The following HBS1L variants were observed in gnomAD, a reference collection of about 807,000 sequenced individuals.
HBS1L encodes HBS1 like translational GTPase.
Under a neutral mutation model 88.9 loss-of-function variants are expected in HBS1L, and 55 were observed. The ratio of observed to expected loss-of-function variants is 0.62; its 90% CI spans 0.50 to 0.77. The LOEUF is 0.77. HBS1L is among the 30% of genes least tolerant of loss of function. The pLI is 0.00. For missense variants in HBS1L, 741 were observed against 829.3 expected (o/e 0.89, Z 1.31); for synonymous variants, 267 against 288.5 (o/e 0.93, Z 0.76).
intron 4 of HBS1L, among the ~76,000 whole-genome samples, chr6:135,006,454 T>G (rs1010086262): frequency 1.3e-5 from 2 of 151,870 alleles, no homozygotes; most frequent in African/African-American, 2.4e-5. Context: ...AAGTCTCCCA[T>G]GAGTAAGGAG....
chr6:135,051,799 T>C (rs993260486), intron 1 of HBS1L, among the ~76,000 whole-genome samples: 4 of 152,228 alleles, frequency 2.6e-5, no homozygotes, highest in South Asian at 2.1e-4. Context: ...ACAAAGAACA[T>C]AAATATATTT....
In HBS1L at chr6:134,961,949, A is replaced by G. The variant is rs997980788; in HGVS notation, c.*3330T>C. 1 of 151,958 alleles carries G rather than the reference A, an allele frequency of 6.6e-6. No homozygotes were observed. The highest frequency in any genetic ancestry group is 2.4e-5 in the African/African-American group (1 of 41,376). 9.4% of individuals were successfully genotyped at this position (151,958 alleles called of 1,614,324 possible). Reference sequence around the variant, plus strand: ...ATTTTCTACCATCACCTACCCTCCAATCTTAAAGTTTTGAATTATCTCTTT... The same window carrying G: ...ATTTTCTACCATCACCTACCCTCCAGTCTTAAAGTTTTGAATTATCTCTTT... On this transcript the variant is annotated 3_prime_UTR_variant, in exon 18 of 18. Transcript: ENST00000367837.
rs1291036526 is a variant in HBS1L, at chr6:134,963,005, G to A, written c.*2274C>T. On this transcript the variant is annotated 3_prime_UTR_variant, in exon 18 of 18. Coordinates refer to ENST00000367837, the MANE Select transcript of HBS1L (RefSeq NM_006620.4). ...TTGTACTTAAACACTATTGGAGAAG[G>A]AAGGAATGAATAAATGCATTCATTT... 3 of 152,114 alleles carry A rather than the reference G, an allele frequency of 2.0e-5. No individual in the cohort carries two copies. The highest frequency in any genetic ancestry group is 4.4e-5 in the Non-Finnish European group (3 of 68,020). 9.4% of individuals were successfully genotyped at this position (152,114 alleles called of 1,614,324 possible). A position where few individuals can be genotyped will look rare whatever the true frequency, so the allele number is the denominator to read the frequency against.
At chr6:135,005,212 GA>G (rs1408490083) in intron 4 of HBS1L, among the ~76,000 whole-genome samples, 3 of 152,204 alleles carry the variant, frequency 2.0e-5, no homozygotes, top group African/African-American at 7.2e-5. Flanking sequence ...GGTGAGAAAT[GA>G]AGGCATGTTC....
At chr6:135,020,550 CAA>C (rs1256872896) in intron 4 of HBS1L, among the ~76,000 whole-genome samples, 5 of 152,072 alleles carry the variant, frequency 3.3e-5, no homozygotes, top group Non-Finnish European at 5.9e-5. Context: ...ATGAAAACTT[CAA>C]TACAAATACA....
At chr6:134,996,715 T>A in intron 7 of HBS1L, 62 bp downstream of exon 7, 1 of 1,204,908 alleles carries the variant, frequency 8.3e-7, no homozygotes, top group Non-Finnish European at 1.2e-6. Flanking sequence ...CAACACATAT[T>A]ACACACTTAT....
In HBS1L at chr6:134,996,940, G is replaced by A; in HGVS notation, c.802C>T (p.His268Tyr). 2 of 1,574,796 alleles carry A rather than the reference G, an allele frequency of 1.3e-6. No homozygotes were observed. Among genetic ancestry groups the A allele is most frequent in the Non-Finnish European group, 1.7e-6 (2 of 1,165,360 alleles). The stretch of plus-strand genomic sequence containing the variant: ...AGAGTACTTTTCCCAGCATCAACAT[G>A]ACCTAAAGAAAATTGATTCAGGATT... ...KQLLNLVVIG[H>Y]VDAGKSTLMG... Residue 268 changes from histidine to tyrosine, a missense_variant and splice_region_variant, in exon 7 of 18, where the codon CAT becomes TAT. Physicochemically the swap from His to Tyr is moderately conservative, Grantham distance 83 (BLOSUM62 2). This residue lies in a region of HBS1L where 556 missense variants were observed against 598.4 expected (regional missense o/e 0.93). Coordinates refer to ENST00000367837, the MANE Select transcript of HBS1L (RefSeq NM_006620.4).
chr6:134,965,168 C>T lies in HBS1L; in HGVS notation c.*111G>A. On this transcript the variant is annotated 3_prime_UTR_variant, in exon 18 of 18. Transcript: ENST00000367837. The stretch of plus-strand genomic sequence containing the variant: ...AATTTTAGCTTTAATTTTTCTCTCT[C>T]ATCTAAAAACATATCAATTGCACAT... 4 of 892,158 alleles carry T rather than the reference C, an allele frequency of 4.5e-6. No individual in the cohort carries two copies. The highest frequency in any genetic ancestry group is 1.4e-5 in the South Asian group (1 of 70,288). The allele number at this position is 892,158 out of a possible 1,614,324, so 55.3% of individuals were successfully genotyped here.
At chr6:135,043,061 G>C (rs1776795535) in intron 2 of HBS1L, among the ~76,000 whole-genome samples, 1 of 152,104 alleles carries the variant, frequency 6.6e-6, no homozygotes, top group African/African-American at 2.4e-5. Flanking sequence ...GTATTCATAT[G>C]TATCTCATTA....
chr6:134,970,526 T>C (rs1421174904), intron 15 of HBS1L, among the ~76,000 whole-genome samples: 1 of 152,258 alleles, frequency 6.6e-6, no homozygotes, highest in East Asian at 1.9e-4. Flanking sequence ...TATTTTAAAG[T>C]GGTGCCTGGC....
Position 134,978,767 on chromosome 6 carries a change from C to T in HBS1L, c.1709G>A (p.Gly570Asp), listed in dbSNP as rs750402350. The T allele has an allele frequency of 2.1e-5, 34 of 1,604,220 alleles. No individual in the cohort carries two copies. The East Asian group carries it at 6.9e-4, about 33-fold the overall frequency. Residue 570 changes from glycine to aspartate, a missense_variant, in exon 15 of 18, where the codon GGC becomes GAC. Physicochemically the swap from Gly to Asp is moderately conservative, Grantham distance 94. This residue lies in a region of HBS1L where 181 missense variants were observed against 212.7 expected (regional missense o/e 0.85). Transcript: ENST00000367837. ...GCAAGCTTTAATGGGTACTTTGGGGCCACAAAATATGCAGCCAACACTGTA... is the reference window on the plus strand; with the variant it reads ...GCAAGCTTTAATGGGTACTTTGGGGTCACAAAATATGCAGCCAACACTGTA... ...IKINVGCIFC[G>D]PKVPIKACTR...
Position 135,024,211 on chromosome 6 carries a change from C to T in HBS1L, c.430+15362G>A, listed in dbSNP as rs556326077. Among the ~76,000 whole-genome samples the T allele has an allele frequency of 4.7e-4, 72 of 152,092 alleles. No individual in the cohort carries two copies. The South Asian group carries it at 0.013, about 28-fold the overall frequency. ...ATCCCAGCACTTTGGGAGGCCGAGG[C>T]GGGCGGATCACGAGGTCAGGAGATC... On this transcript the variant is annotated intron_variant, in intron 4 of 17. Transcript: ENST00000367837.
At chr6:135,040,629 C>T (rs1051404830) in intron 3 of HBS1L, among the ~76,000 whole-genome samples, 2 of 151,892 alleles carry the variant, frequency 1.3e-5, no homozygotes, top group South Asian at 2.1e-4. Flanking sequence ...GGATTACAAG[C>T]GTGAGCCACC....
intron 3 of HBS1L, 74 bp downstream of exon 3, chr6:135,041,927 A>C: frequency 7.4e-7 from 1 of 1,356,098 alleles, no homozygotes; most frequent in Non-Finnish European, 1.0e-6. Context: ...TATAAACACA[A>C]TAAAACTGAT....
Position 135,042,059 on chromosome 6 carries a change from T to G in HBS1L, c.177A>C (p.Glu59Asp), listed in dbSNP as rs771324179. 6.2e-7 allele frequency: 1 copy of G among 1,613,404 alleles called. No homozygotes were observed. Among genetic ancestry groups the G allele is most frequent in the South Asian group, 1.1e-5 (1 of 91,028 alleles). ...CAGAATTGGAAGATTCTTTCAGATC[T>G]TCATAATCATATTCTTCCACAGGCT... is the stretch of plus-strand genomic sequence containing the variant. ...SVEPVEEYDY[E>D]DLKESSNSVS... Residue 59 changes from glutamate (E) to aspartate (D), a missense_variant, in exon 3 of 18, where the codon GAA becomes GAC. Glu to Asp is a conservative substitution (Grantham distance 45). This residue lies in a region of HBS1L where 556 missense variants were observed against 598.4 expected (regional missense o/e 0.93). Coordinates refer to ENST00000367837, the MANE Select transcript of HBS1L (RefSeq NM_006620.4).
intron 2 of HBS1L, among the ~76,000 whole-genome samples, chr6:135,046,927 T>C (rs931822313): frequency 6.6e-6 from 1 of 152,020 alleles, no homozygotes; most frequent in African/African-American, 2.4e-5. Flanking sequence ...TCTTATCTGA[T>C]GTTACTGCTA....
intron 13 of HBS1L, among the ~76,000 whole-genome samples, chr6:134,980,069 T>C (rs1774782918): frequency 6.6e-6 from 1 of 152,062 alleles, no homozygotes; most frequent in South Asian, 2.1e-4. Flanking sequence ...TTTTATGGAA[T>C]ACATTTATGG....
At chr6:135,050,887 G>A (rs79216502) in intron 1 of HBS1L, among the ~76,000 whole-genome samples, 5,574 of 152,208 alleles carry the variant, frequency 0.037, 353 homozygotes, top group African/African-American at 0.13. Flanking sequence ...GGTTTACCCA[G>A]GTCCCAAGTT....
At chr6:135,039,800 T>C (rs1471077980) in intron 3 of HBS1L, 33 bp from the exon 4 acceptor site, 1 of 1,535,908 alleles carries the variant, frequency 6.5e-7, no homozygotes, top group Non-Finnish European at 8.8e-7. Flanking sequence ...AAAGCTATAC[T>C]AAATGGTGCA....
Sources: gnomAD v4.1 joint callset for allele counts (sites outside exome capture counted in the v4.1 genomes callset) on GRCh38, gnomAD v4.1.1 for gene constraint, gnomAD v4.1.1 regional missense constraint, MANE v1.5 for transcripts, NCBI Gene and HGNC (gene_info 2026-07-23, HGNC 2026-07-21) for gene names.